The following PDE4D variants were observed in gnomAD, a reference collection of about 807,000 sequenced individuals.
PDE4D encodes phosphodiesterase 4D, also known as 3',5'-cyclic-AMP phosphodiesterase 4D.
In PDE4D, 24 loss-of-function variants were observed where a neutral mutation model predicts 87.4. The ratio of observed to expected loss-of-function variants is 0.27; its 90% CI spans 0.20 to 0.39. PDE4D has a LOEUF of 0.39. PDE4D is among the 10% of genes least tolerant of loss of function. PDE4D has a pLI of 1.00. For synonymous variants in PDE4D, 384 were observed against 383.2 expected, an observed-to-expected ratio of 1.00 and a Z score of -0.02; for missense variants, 714 against 1,041.0, an observed-to-expected ratio of 0.69 and a Z score of 4.32.
At chr5:60,282,611 G>A (rs192356977) in intron 1 of PDE4D, among the ~76,000 whole-genome samples, 3 of 152,086 alleles carry the variant, frequency 2.0e-5, no homozygotes, top group East Asian at 3.8e-4. Flanking sequence ...ATAAAGACAC[G>A]TTTTGTTGGG....
At chr5:60,321,719 C>G (rs373618633) in intron 1 of PDE4D, among the ~76,000 whole-genome samples, 2 of 152,038 alleles carry the variant, frequency 1.3e-5, no homozygotes, top group East Asian at 3.9e-4. Flanking sequence ...AGCCCCATCA[C>G]AAAGTGAGCA....
At chr5:60,301,389 C>G (rs1753879410) in intron 1 of PDE4D, among the ~76,000 whole-genome samples, 2 of 152,160 alleles carry the variant, frequency 1.3e-5, no homozygotes, top group African/African-American at 4.8e-5. Flanking sequence ...TTTCTTTGAG[C>G]ATTGGTTTGT....
At chr5:59,001,037 T>C (rs75936732) in intron 6 of PDE4D, among the ~76,000 whole-genome samples, 15 of 152,054 alleles carry the variant, frequency 9.9e-5, no homozygotes, top group Admixed American at 7.2e-4. Flanking sequence ...AAGGAATGAG[T>C]GGCTCTTAGG....
chr5:60,161,634 A>G lies in PDE4D; in HGVS notation c.42+23923T>C, dbSNP rs113677086. ...CAGATCTGTGCAAACTTGTAGCCCT[A>G]TGATTGAAACATGCATATTTTCCCC... On this transcript the variant is annotated intron_variant, in intron 2 of 16. Transcript: ENST00000502484. Among the ~76,000 whole-genome samples the G allele has an allele frequency of 3.3e-5, 5 of 152,272 alleles. 1 individual carries two copies. Among genetic ancestry groups the G allele is most frequent in the African/African-American group, 1.2e-4 (5 of 41,574 alleles).
chr5:60,486,525 G>T (rs1408827754), intron 1 of PDE4D, among the ~76,000 whole-genome samples: 1 of 152,124 alleles, frequency 6.6e-6, no homozygotes, highest in Non-Finnish European at 1.5e-5. Flanking sequence ...TCTGAAAGGG[G>T]ATAATATTTC....
chr5:60,357,580 AC>A (rs1439214526), intron 1 of PDE4D, among the ~76,000 whole-genome samples: 2 of 152,250 alleles, frequency 1.3e-5, no homozygotes, highest in Admixed American at 6.5e-5. Context: ...CAAAGACTAA[AC>A]TTTTATGTCT....
At chr5:60,193,262 TA>T (rs916748044) in intron 1 of PDE4D, among the ~76,000 whole-genome samples, 127 of 152,152 alleles carry the variant, frequency 8.3e-4, no homozygotes, top group African/African-American at 2.8e-3. Context: ...CAAATGCAAA[TA>T]AACAACTGAA....
chr5:59,186,640 G>A (rs1313703478), intron 3 of PDE4D, among the ~76,000 whole-genome samples: 1 of 152,078 alleles, frequency 6.6e-6, no homozygotes, highest in Non-Finnish European at 1.5e-5. Context: ...TTATGAAATT[G>A]ACATTCATTT....
At chr5:59,761,817 G>A (rs192501343) in intron 1 of PDE4D, among the ~76,000 whole-genome samples, 6 of 152,076 alleles carry the variant, frequency 3.9e-5, no homozygotes, top group Admixed American at 1.3e-4. Flanking sequence ...TAAAACAATG[G>A]TAAAATACAT....
intron 1 of PDE4D, among the ~76,000 whole-genome samples, chr5:60,363,052 T>C (rs1760214669): frequency 6.6e-6 from 1 of 152,096 alleles, no homozygotes; most frequent in Admixed American, 6.6e-5. Context: ...TGTTTTCCCT[T>C]CTTTCTATTG....
In PDE4D at chr5:59,023,468, A is replaced by T. The variant is rs1226640637; in HGVS notation, c.921+15391T>A. 5.8e-4 allele frequency among the ~76,000 whole-genome samples: 3 copies of T among 5,188 alleles called. No homozygotes were observed. The African/African-American group carries it at 9.7e-3, about 17-fold the overall frequency. 3.4% of individuals were successfully genotyped at this position (5,188 alleles called of 152,430 possible). A position where few individuals can be genotyped will look rare whatever the true frequency, so the allele number is the denominator to read the frequency against. On this transcript the variant is annotated intron_variant, in intron 6 of 14. Coordinates refer to ENST00000340635, the MANE Select transcript of PDE4D (RefSeq NM_001104631.2). ...TAACATAGTGAGACCCTGTCTCTAC[A>T]AAAAAAAAAAAAAAAAGTTAAATTA...
chr5:59,133,896 A>G (rs1236649535), intron 5 of PDE4D, among the ~76,000 whole-genome samples: 1 of 152,156 alleles, frequency 6.6e-6, no homozygotes, highest in East Asian at 1.9e-4. Context: ...ACCTATGCAC[A>G]GAAAAATTGC....
intron 1 of PDE4D, among the ~76,000 whole-genome samples, chr5:59,383,390 C>T (rs1434731050): frequency 6.6e-6 from 1 of 152,124 alleles, no homozygotes; most frequent in Non-Finnish European, 1.5e-5. Context: ...TATCCCCACT[C>T]CCCTTCAATC....
intron 1 of PDE4D, among the ~76,000 whole-genome samples, chr5:60,326,248 C>G (rs994501743): frequency 6.6e-6 from 1 of 152,108 alleles, no homozygotes; most frequent in African/African-American, 2.4e-5. Context: ...CTGCCAAACT[C>G]TTTTCCAGAG....
At chr5:60,032,520 C>T (rs1767349526) in intron 2 of PDE4D, among the ~76,000 whole-genome samples, 2 of 152,084 alleles carry the variant, frequency 1.3e-5, no homozygotes, top group South Asian at 2.1e-4. Context: ...TACTCATTCC[C>T]GCAATATGTT....
chr5:59,963,705 GT>G (rs1759721647), intron 3 of PDE4D, among the ~76,000 whole-genome samples: 1 of 152,054 alleles, frequency 6.6e-6, no homozygotes, highest in African/African-American at 2.4e-5. Context: ...GTTATACAGA[GT>G]TTTTGTCTAA....
intron 1 of PDE4D, among the ~76,000 whole-genome samples, chr5:60,512,236 T>C (rs1750609287): frequency 6.6e-6 from 1 of 152,222 alleles, no homozygotes; most frequent in African/African-American, 2.4e-5. Flanking sequence ...ATATATGCTT[T>C]TTGCATTATT....
At chr5:59,774,689 C>CTTTTTTTTTT (rs71604800) in intron 1 of PDE4D, among the ~76,000 whole-genome samples, 1 of 132,406 alleles carries the variant, frequency 7.6e-6, no homozygotes, top group African/African-American at 2.8e-5. Flanking sequence ...TTTCTTTTTT[C>CTTTTTTTTTT]TTTTTTTTTT....
chr5:60,254,841 T>C (rs1241322369), intron 1 of PDE4D, among the ~76,000 whole-genome samples: 1 of 151,894 alleles, frequency 6.6e-6, no homozygotes. Context: ...CATAAGGTCA[T>C]TGTAAAAATT....
Sources: gnomAD v4.1 joint callset for allele counts (sites outside exome capture counted in the v4.1 genomes callset) on GRCh38, gnomAD v4.1.1 for gene constraint, MANE v1.5 for transcripts, NCBI Gene and HGNC (gene_info 2026-07-23, HGNC 2026-07-21) for gene names.